RBFOX3: variants seen among roughly 807,000 people sequenced by gnomAD.
RBFOX3 encodes the protein RNA binding fox-1 homolog 3.
RBFOX3 carries 17 observed loss-of-function variants against 48.7 expected under a neutral mutation model. The observed-to-expected ratio is 0.35, with a 90% CI of 0.24 to 0.52. RBFOX3 has a LOEUF of 0.52. RBFOX3 is among the 20% of genes least tolerant of loss of function. The pLI, the probability that RBFOX3 is intolerant of heterozygous loss-of-function variation, is 0.94. For synonymous variants in RBFOX3, 212 were observed against 209.5 expected (o/e 1.01, Z -0.10); for missense variants, 382 against 497.5 (o/e 0.77, Z 2.21).
chr17:79,420,750 G>A (rs571229218), intron 2 of RBFOX3, among the ~76,000 whole-genome samples: 1 of 152,368 alleles, frequency 6.6e-6, no homozygotes, highest in South Asian at 2.1e-4. Flanking sequence ...TGCCACAGGA[G>A]GGTCAGGCCT....
chr17:79,386,763 C>G (rs1568158571), intron 2 of RBFOX3, among the ~76,000 whole-genome samples: 1 of 152,216 alleles, frequency 6.6e-6, no homozygotes, highest in Non-Finnish European at 1.5e-5. Flanking sequence ...CTACTCCAAG[C>G]AGGACCACAT....
rs1287764526 is a variant in RBFOX3 at position 79,246,870 on chromosome 17, G to A, written c.-73-11065C>T. On this transcript the variant is annotated intron_variant, in intron 3 of 14. Transcript: ENST00000693108. ...GAGCAGTGCCAATGGGATGGGGGTG[G>A]GGGGAGAACGGCGGAGACAGGAAAA... is the stretch of plus-strand genomic sequence containing the variant. 3.9e-5 allele frequency among the ~76,000 whole-genome samples: 6 copies of A among 152,260 alleles called. No individual in the cohort carries two copies. In the East Asian group the frequency reaches 5.8e-4, roughly 15 times the overall value.
At chr17:79,615,720 T>C (rs1336189309), upstream of RBFOX3, among the ~76,000 whole-genome samples, 2 of 152,068 alleles carry the variant, frequency 1.3e-5, no homozygotes, top group East Asian at 3.9e-4. Context: ...TTTACTTTGA[T>C]CTACTCTTAG....
intron 1 of RBFOX3, among the ~76,000 whole-genome samples, chr17:79,547,432 G>A (rs1471308844): frequency 1.3e-5 from 2 of 152,186 alleles, no homozygotes; most frequent in Non-Finnish European, 2.9e-5. Context: ...TCCAGCCTGG[G>A]TGACTGAGCA....
chr17:79,170,831 G>A (rs1478737090), intron 4 of RBFOX3, among the ~76,000 whole-genome samples: 1 of 152,154 alleles, frequency 6.6e-6, no homozygotes, highest in East Asian at 1.9e-4. Flanking sequence ...TCAGCCTAGA[G>A]CCCCAAAACA....
rs1246119689 is a variant in RBFOX3 at position 79,115,891 on chromosome 17, G to A, written c.-33-143C>T. The A allele has an allele frequency of 9.4e-6, 5 of 531,608 alleles. No individual in the cohort carries two copies. In the East Asian group the frequency reaches 1.0e-4, roughly 11 times the overall value. The allele number at this position is 531,608 out of a possible 1,614,324, so 32.9% of individuals were successfully genotyped here. A position where few individuals can be genotyped will look rare whatever the true frequency, so the allele number is the denominator to read the frequency against. On this transcript the variant is annotated intron_variant, in intron 4 of 14. Coordinates refer to ENST00000693108, the MANE Select transcript of RBFOX3 (RefSeq NM_001350451.2). ...CCGGCCCCTCCAAGGGGGGCTCGCC[G>A]GCATGGGCACCAGCTCAGAGCAGGA...
intron 4 of RBFOX3, among the ~76,000 whole-genome samples, chr17:79,138,164 G>A (rs2040707303): frequency 6.6e-6 from 1 of 152,118 alleles, no homozygotes; most frequent in African/African-American, 2.4e-5. Context: ...GAGCCTGCGA[G>A]GCACACTCCC....
chr17:79,125,354 T>G (rs1297656741), intron 4 of RBFOX3, among the ~76,000 whole-genome samples: 1 of 152,166 alleles, frequency 6.6e-6, no homozygotes, highest in Non-Finnish European at 1.5e-5. Flanking sequence ...ATGGGGACAA[T>G]GACTCATCTG....
At chr17:79,093,329 A>T (rs2146161466) in intron 14 of RBFOX3, among the ~76,000 whole-genome samples, 1 of 152,312 alleles carries the variant, frequency 6.6e-6, no homozygotes, top group South Asian at 2.1e-4. Context: ...GTGCAAGAGA[A>T]GAAAAATTGG....
At chr17:79,447,278 T>G (rs1390926208) in intron 2 of RBFOX3, among the ~76,000 whole-genome samples, 1 of 152,184 alleles carries the variant, frequency 6.6e-6, no homozygotes, top group Non-Finnish European at 1.5e-5. Flanking sequence ...GAGAGGCCCA[T>G]GAGCAAATCT....
Position 79,292,609 on chromosome 17 carries a change from CACACACATACAT to C in RBFOX3, c.-74+15103_-74+15114del, listed in dbSNP as rs1567988398. Among the ~76,000 whole-genome samples the C allele has an allele frequency of 6.1e-3, 429 of 70,816 alleles. 1 individual carries two copies. Among genetic ancestry groups the C allele is most frequent in the Middle Eastern group, 0.019 (2 of 106 alleles). 46.5% of individuals were successfully genotyped at this position (70,816 alleles called of 152,430 possible). A position where few individuals can be genotyped will look rare whatever the true frequency, so the allele number is the denominator to read the frequency against. On this transcript the variant is annotated intron_variant, in intron 3 of 14. Transcript: ENST00000693108. Reference sequence around the variant, plus strand: ...GCACACACACACACACGCACACACACACACACATACATGCAGACCCAGTGCACTGCCCTTAGA... The same window carrying C: ...GCACACACACACACACGCACACACACGCAGACCCAGTGCACTGCCCTTAGA...
chr17:79,254,700 A>T lies in RBFOX3; in HGVS notation c.-73-18895T>A, dbSNP rs1472338896. ...TATACTTGCCCCTCCATGCAGTGTC[A>T]GTCCAGGCTGTGAAAAACCCGCCCT... On this transcript the variant is annotated intron_variant, in intron 3 of 14. Coordinates refer to ENST00000693108, the MANE Select transcript of RBFOX3 (RefSeq NM_001350451.2). This position sits in a 1 kb window ranked among gnomAD's most constrained non-coding sequence, Gnocchi z 4.8. 6.6e-6 allele frequency among the ~76,000 whole-genome samples: 1 copy of T among 152,156 alleles called. No individual in the cohort carries two copies. The highest frequency in any genetic ancestry group is 1.5e-5 in the Non-Finnish European group (1 of 68,030).
At chr17:79,431,517 ACT>A (rs1555728410) in intron 2 of RBFOX3, among the ~76,000 whole-genome samples, 3 of 102,204 alleles carry the variant, frequency 2.9e-5, no homozygotes, top group African/African-American at 1.2e-4. Context: ...ATGGATTCTC[ACT>A]CTGTCATCAA....
At chr17:79,259,311 C>T (rs1475415036) in intron 3 of RBFOX3, among the ~76,000 whole-genome samples, 3 of 152,202 alleles carry the variant, frequency 2.0e-5, no homozygotes, top group Non-Finnish European at 2.9e-5. Flanking sequence ...CAGCACCGAT[C>T]TCGGGTAGGG....
At chr17:79,580,803 T>C (rs2093033962) in intron 1 of RBFOX3, among the ~76,000 whole-genome samples, 1 of 152,118 alleles carries the variant, frequency 6.6e-6, no homozygotes, top group African/African-American at 2.4e-5. Flanking sequence ...AGACACGACT[T>C]CCAGCCCCAT....
intron 2 of RBFOX3, among the ~76,000 whole-genome samples, chr17:79,388,270 G>C (rs2060857589): frequency 6.6e-6 from 1 of 152,200 alleles, no homozygotes; most frequent in South Asian, 2.1e-4. Context: ...GTCATGCCCA[G>C]GCCAGAAGAG....
intron 2 of RBFOX3, among the ~76,000 whole-genome samples, chr17:79,453,693 T>C (rs2073970716): frequency 6.6e-6 from 1 of 151,556 alleles, no homozygotes; most frequent in Non-Finnish European, 1.5e-5. Context: ...GTGTGCAGTG[T>C]GTGCCGGTGT....
intron 2 of RBFOX3, among the ~76,000 whole-genome samples, chr17:79,393,433 C>A (rs1384514033): frequency 6.6e-6 from 1 of 152,262 alleles, no homozygotes; most frequent in African/African-American, 2.4e-5. Flanking sequence ...CAGGGAAACG[C>A]TCTCCGTTCG....
chr17:79,131,465 C>T (rs868439745), intron 4 of RBFOX3, among the ~76,000 whole-genome samples: 1 of 152,202 alleles, frequency 6.6e-6, no homozygotes, highest in Non-Finnish European at 1.5e-5. Flanking sequence ...GCCCACCTGA[C>T]GCAGCACCCA....
Sources: gnomAD v4.1 joint callset for allele counts (sites outside exome capture counted in the v4.1 genomes callset) on GRCh38, gnomAD v4.1.1 for gene constraint, Gnocchi (gnomAD v3.1) non-coding constraint, MANE v1.5 for transcripts, NCBI Gene and HGNC (gene_info 2026-07-23, HGNC 2026-07-21) for gene names.